DNAH2: variants seen among roughly 807,000 people sequenced by gnomAD.
DNAH2 encodes axonemal beta dynein heavy chain 2.
In DNAH2, 323 loss-of-function variants were observed where a neutral mutation model predicts 523.5. That is an observed-to-expected ratio of 0.62 (90% confidence interval 0.56 to 0.68). The LOEUF (loss-of-function observed/expected upper bound fraction) is 0.68, where lower values mean the gene tolerates loss of function less well. Among genes scored for constraint, DNAH2 ranks in the 30% least tolerant of loss-of-function variants. DNAH2 has a pLI of 0.00. For synonymous variants in DNAH2, 2,093 were observed against 2,177.4 expected (o/e 0.96, Z 1.08); for missense variants, 4,907 against 5,701.5 (o/e 0.86, Z 4.49).
chr17:7,752,160 T>TACAC (rs1555544463), intron 12 of DNAH2, among the ~76,000 whole-genome samples: 21,235 of 124,746 alleles, frequency 0.17, 2,237 homozygotes, highest in Non-Finnish European at 0.24. Flanking sequence ...TAAGTCATTT[T>TACAC]ACACACACAC....
Position 7,786,767 on chromosome 17 carries a change from CAA to C in DNAH2, c.6466+81_6466+82del, listed in dbSNP as rs2076747813. ...CAGGGAGTCTGGGGATAGGAAGTTC[CAA>C]GTTGGGAGAGAAATGCCTGGGGAAT... On this transcript the variant is annotated intron_variant, in intron 41 of 85. Transcript: ENST00000572933. This position sits in a 1 kb window ranked among gnomAD's most constrained non-coding sequence, Gnocchi z 7.5. 1 of 1,597,598 alleles carries C rather than the reference CAA, an allele frequency of 6.3e-7. No homozygotes were observed. Among genetic ancestry groups the C allele is most frequent in the African/African-American group, 1.3e-5 (1 of 74,556 alleles).
Position 7,740,497 on chromosome 17 carries a change from T to C in DNAH2, c.1454T>C (p.Val485Ala). The part of the protein sequence containing the change: ...ITSAFELVRD[V>A]PHGVLLLDTF... The stretch of plus-strand genomic sequence containing the variant: ...TCAGCCTTCGAGTTGGTGCGGGACG[T>C]GCCGCACGGCGTGCTTCTGCTGGAC... The change falls in exon 10 of 86, where the codon GTG becomes GCG. Residue 485 changes from valine to alanine, a missense_variant. By Grantham distance (64) the Val-to-Ala change is moderately conservative. Coordinates refer to ENST00000572933, the MANE Select transcript of DNAH2 (RefSeq NM_020877.5). 3 of 1,614,192 alleles carry C rather than the reference T, an allele frequency of 1.9e-6. No individual in the cohort carries two copies. The highest frequency in any genetic ancestry group is 2.5e-6 in the Non-Finnish European group (3 of 1,180,032).
At chr17:7,785,224 C>T (rs2076703302) in intron 39 of DNAH2, among the ~76,000 whole-genome samples, 1 of 151,880 alleles carries the variant, frequency 6.6e-6, no homozygotes, top group African/African-American at 2.4e-5. Flanking sequence ...GCCTCAGCCT[C>T]CTGAGTAGCT....
At chr17:7,775,703 A>G (rs1341863719) in intron 30 of DNAH2, among the ~76,000 whole-genome samples, 1 of 78,874 alleles carries the variant, frequency 1.3e-5, no homozygotes, top group Non-Finnish European at 4.0e-5. Context: ...AAAAAAAAAA[A>G]AGAAAAAAAA....
Position 7,824,150 on chromosome 17 carries a change from A to G in DNAH2, c.11508A>G (p.Pro3836=). The G allele has an allele frequency of 1.3e-6, 2 of 1,573,184 alleles. No homozygotes were observed. Among genetic ancestry groups the G allele is most frequent in the Non-Finnish European group, 8.6e-7 (1 of 1,162,512 alleles). The part of the protein sequence containing the change: ...SVLEDSTPRS[P]LVFILSPGVD... Reference sequence around the variant, plus strand: ...TGGAGGATTCAACCCCACGATCCCCACTCGTGTTCATCCTGTCCCCTGGTG... The same window carrying G: ...TGGAGGATTCAACCCCACGATCCCCGCTCGTGTTCATCCTGTCCCCTGGTG... The change falls in exon 76 of 86, where the codon CCA becomes CCG. Residue 3836 remains proline (P), a synonymous_variant. Transcript: ENST00000572933.
chr17:7,733,037 G>A (rs1245641375), intron 4 of DNAH2, 50 bp from the exon 5 acceptor site: 9 of 1,589,954 alleles, frequency 5.7e-6, no homozygotes, highest in African/African-American at 1.3e-5. Context: ...GTGACTGGGT[G>A]TCATGGCTGG....
chr17:7,797,543 C>T lies in DNAH2; in HGVS notation c.8080+13C>T. On this transcript the variant is annotated intron_variant, in intron 52 of 85. Coordinates refer to ENST00000572933, the MANE Select transcript of DNAH2 (RefSeq NM_020877.5). ...CCTCCTATCTTTGGTGAGCCAGGAG[C>T]TGTGATGACCTTGGGCTTGACACTC... 1.9e-6 allele frequency: 3 copies of T among 1,614,196 alleles called. No homozygotes were observed. The highest frequency in any genetic ancestry group is 2.5e-6 in the Non-Finnish European group (3 of 1,180,040).
intron 76 of DNAH2, 95 bp downstream of exon 76, chr17:7,824,399 A>C: frequency 6.9e-7 from 1 of 1,442,690 alleles, no homozygotes; most frequent in Admixed American, 2.6e-5. Context: ...TGTACCTCCC[A>C]CTTCTACAGA....
In DNAH2 at chr17:7,832,944, G is replaced by A. The variant is rs775467915; in HGVS notation, c.12978+16G>A. On this transcript the variant is annotated intron_variant, in intron 84 of 85. Transcript: ENST00000572933. This position sits in a 1 kb window ranked among gnomAD's most constrained non-coding sequence, Gnocchi z 4.3. ...TCCCCCCAAGGTGGGAGCCAGTTGT[G>A]CTTGGGGCTCTGAGCAAAAGAGGGT... 1.2e-6 allele frequency: 2 copies of A among 1,614,182 alleles called. No individual in the cohort carries two copies. Among genetic ancestry groups the A allele is most frequent in the Non-Finnish European group, 1.7e-6 (2 of 1,180,028 alleles).
intron 33 of DNAH2, 23 bp downstream of exon 33, chr17:7,777,657 A>T: frequency 6.2e-7 from 1 of 1,612,558 alleles, no homozygotes; most frequent in Non-Finnish European, 8.5e-7. Flanking sequence ...CCACCTCCCC[A>T]CTCTCTTACC....
At chr17:7,830,586 G>A (rs2078143197) in intron 78 of DNAH2, 72 bp from the exon 79 acceptor site, 2 of 1,607,702 alleles carry the variant, frequency 1.2e-6, no homozygotes, top group Non-Finnish European at 1.7e-6. Flanking sequence ...CACAAAGCCT[G>A]TGTTGAAGCC....
intron 12 of DNAH2, among the ~76,000 whole-genome samples, chr17:7,756,284 T>C (rs12952676): frequency 2.0e-5 from 3 of 151,318 alleles, no homozygotes; most frequent in Admixed American, 6.6e-5. Flanking sequence ...CTAATTAATT[T>C]ATTTATTTTG....
chr17:7,755,392 G>A (rs1397712360), intron 12 of DNAH2, among the ~76,000 whole-genome samples: 2 of 151,724 alleles, frequency 1.3e-5, no homozygotes, highest in Non-Finnish European at 2.9e-5. Flanking sequence ...TCGAGGGGAG[G>A]ACAGTCGGAT....
Position 7,804,349 on chromosome 17 carries a change from A to T in DNAH2, c.9066A>T (p.Gln3022His). The change falls in exon 59 of 86, where the codon CAA becomes CAT. Residue 3022 changes from glutamine (Q) to histidine (H), a missense_variant. Transcript: ENST00000572933. The part of the protein sequence containing the change: ...FKIDETREKV[Q>H]VMSLELEDAK... Reference sequence around the variant, plus strand: ...TCGACGAAACTAGGGAAAAGGTGCAAGTGATGTCGTTGGAGCTGGAGGATG... The same window carrying T: ...TCGACGAAACTAGGGAAAAGGTGCATGTGATGTCGTTGGAGCTGGAGGATG... The T allele has an allele frequency of 1.2e-6, 2 of 1,614,166 alleles. No individual in the cohort carries two copies. Among genetic ancestry groups the T allele is most frequent in the Non-Finnish European group, 1.7e-6 (2 of 1,180,040 alleles).
At chr17:7,815,684 A>G (rs1230091371) in intron 63 of DNAH2, among the ~76,000 whole-genome samples, 2 of 151,784 alleles carry the variant, frequency 1.3e-5, no homozygotes, top group South Asian at 2.1e-4. Context: ...TCACACACAC[A>G]TATATGGGAT....
At position 7,780,094 on chromosome 17, in the gene DNAH2, G is replaced by GT; in HGVS notation, c.5723-60dup. On this transcript the variant is annotated intron_variant, in intron 36 of 85. Transcript: ENST00000572933. The surrounding 1 kb of genome is among the most constrained non-coding windows in gnomAD (Gnocchi z 4.4). The stretch of plus-strand genomic sequence containing the variant: ...GAAAATGAGACTGATTGGAAAGTGG[G>GT]TTTGGGGAAGCAAATCAAGATGAGG... 1 of 1,571,266 alleles carries GT rather than the reference G, an allele frequency of 6.4e-7. No homozygotes were observed. The highest frequency in any genetic ancestry group is 2.3e-5 in the East Asian group (1 of 44,302).
chr17:7,782,028 G>C (rs2076616705), intron 39 of DNAH2, among the ~76,000 whole-genome samples: 1 of 152,200 alleles, frequency 6.6e-6, no homozygotes, highest in Non-Finnish European at 1.5e-5. Flanking sequence ...AAGCTGGCAA[G>C]AAAGGAAGAA....
In DNAH2 at chr17:7,723,629, G is replaced by T; in HGVS notation, c.168G>T (p.Glu56Asp). 6.2e-7 allele frequency: 1 copy of T among 1,613,804 alleles called. No individual in the cohort carries two copies. Among genetic ancestry groups the T allele is most frequent in the Non-Finnish European group, 8.5e-7 (1 of 1,179,866 alleles). The change falls in exon 3 of 86, where the codon GAG (glutamate) becomes GAT (aspartate). Residue 56 changes from glutamate (E) to aspartate (D), a missense_variant and splice_region_variant. Transcript: ENST00000572933. The part of the protein sequence containing the change: ...LQAELPKEEP[E>D]PRLEGPQAQS... ...TTTTTGTATGTTTATTCTTCCTAGA[G>T]CCACGGTTGGAGGGACCTCAAGCAC... is the stretch of plus-strand genomic sequence containing the variant.
rs896650682 is a variant in DNAH2 at position 7,792,806 on chromosome 17, C to T, written c.7295C>T (p.Ser2432Phe). The T allele has an allele frequency of 1.9e-6, 3 of 1,614,072 alleles. No homozygotes were observed. The highest frequency in any genetic ancestry group is 2.5e-6 in the Non-Finnish European group (3 of 1,180,034). Residue 2432 changes from serine (S) to phenylalanine (F), a missense_variant, in exon 47 of 86, where the codon TCC (serine) becomes TTC (phenylalanine). Physicochemically the swap from Ser to Phe is radical, Grantham distance 155. This residue lies in a region of DNAH2 where 2,806 missense variants were observed against 3,190.8 expected (regional missense o/e 0.88). Transcript: ENST00000572933. Reference sequence around the variant, plus strand: ...TCCATCGCCCAGAGCGTTCTGCAGTCCCTGCCCTCCAGCCAGTGGTCGGTG... The same window carrying T: ...TCCATCGCCCAGAGCGTTCTGCAGTTCCTGCCCTCCAGCCAGTGGTCGGTG... ...KTSIAQSVLQ[S>F]LPSSQWSVLV... is the part of the protein sequence containing the mutation.
Sources: gnomAD v4.1 joint callset for allele counts (sites outside exome capture counted in the v4.1 genomes callset) on GRCh38, gnomAD v4.1.1 for gene constraint, gnomAD v4.1.1 regional missense constraint, Gnocchi (gnomAD v3.1) non-coding constraint, MANE v1.5 for transcripts, NCBI Gene and HGNC (gene_info 2026-07-23, HGNC 2026-07-21) for gene names.